Variants in DPP10 observed in about 807,000 individuals in gnomAD.
DPP10 encodes inactive dipeptidyl peptidase 10.
A neutral mutation model predicts 120.9 loss-of-function variants in DPP10; 33 were observed. The observed-to-expected ratio is 0.27, with a 90% CI of 0.21 to 0.37. The LOEUF is 0.37. Ranked by LOEUF, DPP10 falls within the 10% of genes least tolerant of loss-of-function variation. The pLI is 1.00. For synonymous variants in DPP10, 337 were observed against 326.1 expected (o/e 1.03, Z -0.36); for missense variants, 816 against 942.8 (o/e 0.87, Z 1.76).
intron 1 of DPP10, among the ~76,000 whole-genome samples, chr2:114,774,452 T>C (rs1042952088): frequency 5.3e-5 from 8 of 151,300 alleles, no homozygotes; most frequent in Admixed American, 4.0e-4. Context: ...AATAGAATCA[T>C]GAGGTAGGAG....
intron 1 of DPP10, among the ~76,000 whole-genome samples, chr2:114,870,248 C>A (rs1252918012): frequency 6.6e-6 from 1 of 152,066 alleles, no homozygotes; most frequent in African/African-American, 2.4e-5. Flanking sequence ...CCTTGATTTT[C>A]TTTTTAGTAA....
intron 13 of DPP10, 90 bp from the exon 14 acceptor site, chr2:115,777,118 C>T (rs915165212): frequency 1.5e-5 from 17 of 1,099,368 alleles, no homozygotes; most frequent in Middle Eastern, 2.1e-4. Context: ...TTAGAGAATT[C>T]GAAGTGTCAC....
chr2:114,611,513 A>G (rs992460412), intron 1 of DPP10, among the ~76,000 whole-genome samples: 4 of 152,206 alleles, frequency 2.6e-5, no homozygotes, highest in African/African-American at 9.6e-5. Context: ...ACACTCACAC[A>G]TACCCACATA....
At chr2:114,744,492 A>G (rs1678373595) in intron 1 of DPP10, among the ~76,000 whole-genome samples, 2 of 152,232 alleles carry the variant, frequency 1.3e-5, no homozygotes. Flanking sequence ...CTAACATTAG[A>G]ACATGAAGAT....
At chr2:115,489,060 T>G (rs536038481) in intron 3 of DPP10, among the ~76,000 whole-genome samples, 1 of 152,224 alleles carries the variant, frequency 6.6e-6, no homozygotes, top group African/African-American at 2.4e-5. Context: ...AAAAGATATC[T>G]TATTTGAATG....
chr2:114,531,178 T>C (rs1685946986), intron 1 of DPP10, among the ~76,000 whole-genome samples: 1 of 152,084 alleles, frequency 6.6e-6, no homozygotes, highest in Admixed American at 6.6e-5. Flanking sequence ...TTCTAAGAAC[T>C]GTACTTGTCA....
intron 7 of DPP10, among the ~76,000 whole-genome samples, chr2:115,695,129 G>C (rs1248585645): frequency 6.6e-6 from 1 of 152,066 alleles, no homozygotes; most frequent in East Asian, 1.9e-4. Flanking sequence ...TAAAAATTAA[G>C]ATATTCAAAG....
intron 1 of DPP10, among the ~76,000 whole-genome samples, chr2:114,906,116 C>T (rs1163972567): frequency 6.6e-6 from 1 of 152,048 alleles, no homozygotes; most frequent in Non-Finnish European, 1.5e-5. Context: ...CGGGGGCTCA[C>T]ACCTGTAATC....
intron 1 of DPP10, among the ~76,000 whole-genome samples, chr2:115,288,847 G>C (rs1431238265): frequency 6.6e-6 from 1 of 152,032 alleles, no homozygotes; most frequent in Non-Finnish European, 1.5e-5. Context: ...ATACTGAATG[G>C]GGAAAAGTTG....
intron 5 of DPP10, among the ~76,000 whole-genome samples, chr2:115,534,578 C>A (rs1275528863): frequency 6.6e-6 from 1 of 152,008 alleles, no homozygotes; most frequent in South Asian, 2.1e-4. Context: ...CATACGTGTG[C>A]ATGTGTCTTT....
intron 1 of DPP10, among the ~76,000 whole-genome samples, chr2:114,884,673 C>T (rs901309173): frequency 1.3e-5 from 2 of 152,162 alleles, no homozygotes; most frequent in Admixed American, 1.3e-4. Context: ...GCACTGTCTA[C>T]TGTACCCAAT....
intron 1 of DPP10, among the ~76,000 whole-genome samples, chr2:114,602,168 T>G (rs894590460): frequency 2.6e-5 from 4 of 151,800 alleles, no homozygotes; most frequent in Non-Finnish European, 5.9e-5. Context: ...CATAGAGCCA[T>G]GAAAGTTGAA....
intron 1 of DPP10, among the ~76,000 whole-genome samples, chr2:115,053,476 T>C (rs1425121261): frequency 6.6e-6 from 1 of 152,150 alleles, no homozygotes; most frequent in Non-Finnish European, 1.5e-5. Context: ...CTGAGAGGAA[T>C]TGGTAGTGAC....
chr2:114,804,980 G>A (rs751760325), intron 1 of DPP10, among the ~76,000 whole-genome samples: 24 of 152,150 alleles, frequency 1.6e-4, no homozygotes, highest in Non-Finnish European at 2.6e-4. Context: ...CCCACATGTT[G>A]TGGGAGGGAC....
chr2:114,658,940 C>T (rs1697176902), intron 1 of DPP10, among the ~76,000 whole-genome samples: 1 of 152,144 alleles, frequency 6.6e-6, no homozygotes, highest in African/African-American at 2.4e-5. Context: ...GTGATTAGAT[C>T]ATGGGGTTTC....
At chr2:115,471,621 C>A (rs148111339) in intron 3 of DPP10, among the ~76,000 whole-genome samples, 1 of 150,802 alleles carries the variant, frequency 6.6e-6, no homozygotes, top group Non-Finnish European at 1.5e-5. Context: ...AGGTCTCACA[C>A]TCTCACACAG....
intron 1 of DPP10, among the ~76,000 whole-genome samples, chr2:114,506,534 CCATCCA>C (rs1276638117): frequency 1.3e-5 from 2 of 152,180 alleles, no homozygotes; most frequent in Non-Finnish European, 2.9e-5. Flanking sequence ...AGCCATCCAG[CCATCCA>C]CAGATGGCAA....
chr2:114,844,417 C>T (rs1688387960), intron 1 of DPP10, among the ~76,000 whole-genome samples: 1 of 151,296 alleles, frequency 6.6e-6, no homozygotes, highest in Non-Finnish European at 1.5e-5. Context: ...ATCTTTTTGA[C>T]AACTTAATCT....
At chr2:115,150,967 C>CT (rs934937924) in intron 1 of DPP10, among the ~76,000 whole-genome samples, 25 of 152,060 alleles carry the variant, frequency 1.6e-4, no homozygotes, top group South Asian at 1.5e-3. Context: ...AAATTACACA[C>CT]TTTTTTTTAT....
Sources: gnomAD v4.1 joint callset for allele counts (sites outside exome capture counted in the v4.1 genomes callset) on GRCh38, gnomAD v4.1.1 for gene constraint, MANE v1.5 for transcripts, NCBI Gene and HGNC (gene_info 2026-07-23, HGNC 2026-07-21) for gene names.